The following SLC25A17 variants were observed in gnomAD, a reference collection of about 807,000 sequenced individuals.
SLC25A17 encodes solute carrier family 25 member 17.
Under a neutral mutation model 38.5 loss-of-function variants are expected in SLC25A17, and 26 were observed. The observed-to-expected ratio is 0.68, with a 90% CI of 0.50 to 0.94. The LOEUF is 0.94. SLC25A17 is among the 40% of genes least tolerant of loss of function. SLC25A17 has a pLI of 0.00. For synonymous variants in SLC25A17, 139 were observed against 136.2 expected (o/e 1.02, Z -0.14); for missense variants, 333 against 372.7 (o/e 0.89, Z 0.88).
chr22:40,776,723 C>A (rs961796149), intron 7 of SLC25A17, among the ~76,000 whole-genome samples: 1 of 151,888 alleles, frequency 6.6e-6, no homozygotes, highest in Non-Finnish European at 1.5e-5. Context: ...ATGGTGAGAC[C>A]CCATCTTCAC....
intron 4 of SLC25A17, among the ~76,000 whole-genome samples, chr22:40,783,124 A>G (rs1001399937): frequency 3.3e-5 from 5 of 152,228 alleles, no homozygotes; most frequent in African/African-American, 2.4e-5. Flanking sequence ...TAAAACTCAC[A>G]AAAGTAATTT....
rs905006682 is a variant in SLC25A17, at chr22:40,789,304, C to T, written c.334+3221G>A. ...CGGTCCCTGCGTCCTACAGAGACAC[C>T]GTCCACGCGGTGCCCGGACCCCGGA... On this transcript the variant is annotated intron_variant, in intron 4 of 8. Transcript: ENST00000435456. The surrounding 1 kb of genome is among the most constrained non-coding windows in gnomAD (Gnocchi z 4.5). The T allele has an allele frequency of 6.4e-6, 1 of 155,732 alleles. No homozygotes were observed. The highest frequency in any genetic ancestry group is 1.4e-5 in the Non-Finnish European group (1 of 70,054). The allele number at this position is 155,732 out of a possible 1,614,324, so 9.6% of individuals were successfully genotyped here.
chr22:40,791,005 T>C (rs1374820657), intron 4 of SLC25A17, among the ~76,000 whole-genome samples: 4 of 152,212 alleles, frequency 2.6e-5, no homozygotes, highest in Non-Finnish European at 4.4e-5. Context: ...TGATACTCTT[T>C]GAAAACTACT....
chr22:40,798,943 CAA>C (rs113368977), intron 2 of SLC25A17, 78 bp downstream of exon 2: 14,723 of 755,018 alleles, frequency 0.02, no homozygotes, highest in South Asian at 0.028. Context: ...AACTCCGTCT[CAA>C]AAAAAAAAAA....
chr22:40,796,615 C>CAAAAAA (rs766239207), intron 2 of SLC25A17, among the ~76,000 whole-genome samples: 1 of 96,470 alleles, frequency 1.0e-5, no homozygotes, highest in African/African-American at 3.6e-5. Context: ...GACTCTGTCT[C>CAAAAAA]AAAAAAAAAA....
At chr22:40,791,003 T>C (rs1602604936) in intron 4 of SLC25A17, among the ~76,000 whole-genome samples, 1 of 152,330 alleles carries the variant, frequency 6.6e-6, no homozygotes, top group East Asian at 1.9e-4. Context: ...CGTGATACTC[T>C]TTGAAAACTA....
At chr22:40,812,976 T>A (rs1330771304) in intron 1 of SLC25A17, among the ~76,000 whole-genome samples, 4 of 152,188 alleles carry the variant, frequency 2.6e-5, no homozygotes, top group Non-Finnish European at 5.9e-5. Context: ...GCTTTCATAT[T>A]TAAAAATGTT....
At chr22:40,796,273 T>G (rs2057428509) in intron 2 of SLC25A17, among the ~76,000 whole-genome samples, 1 of 152,198 alleles carries the variant, frequency 6.6e-6, no homozygotes, top group African/African-American at 2.4e-5. Flanking sequence ...ATATGCAAAT[T>G]AACCAATTTC....
At chr22:40,797,664 T>C (rs1378607302) in intron 2 of SLC25A17, among the ~76,000 whole-genome samples, 1 of 152,162 alleles carries the variant, frequency 6.6e-6, no homozygotes, top group Non-Finnish European at 1.5e-5. Context: ...TGATATCTTC[T>C]AGAAAGAAAA....
At chr22:40,814,822 GGTT>G (rs1476315453) in intron 1 of SLC25A17, among the ~76,000 whole-genome samples, 2 of 141,496 alleles carry the variant, frequency 1.4e-5, no homozygotes, top group African/African-American at 5.2e-5. Context: ...GTTTTGTTTT[GGTT>G]TTTTTTGTTT....
At chr22:40,806,667 C>T (rs1328888344) in intron 1 of SLC25A17, among the ~76,000 whole-genome samples, 4 of 152,004 alleles carry the variant, frequency 2.6e-5, no homozygotes, top group Admixed American at 6.6e-5. Flanking sequence ...TCAACCAGTA[C>T]CAAAGTTCCA....
intron 1 of SLC25A17, among the ~76,000 whole-genome samples, chr22:40,808,245 A>G (rs1435356283): frequency 6.6e-6 from 1 of 152,212 alleles, no homozygotes; most frequent in Non-Finnish European, 1.5e-5. Context: ...ACAACACTCT[A>G]TCTTCCCACC....
intron 1 of SLC25A17, among the ~76,000 whole-genome samples, chr22:40,800,407 AATT>A (rs2057470561): frequency 1.3e-5 from 2 of 152,156 alleles, no homozygotes; most frequent in Non-Finnish European, 2.9e-5. Flanking sequence ...TTAATTAGTT[AATT>A]ATTTTAGAGA....
At chr22:40,772,805 T>C (rs2057198733) in intron 8 of SLC25A17, among the ~76,000 whole-genome samples, 1 of 152,080 alleles carries the variant, frequency 6.6e-6, no homozygotes, top group Non-Finnish European at 1.5e-5. Context: ...TTGGCTAATT[T>C]TGTAAATATT....
In SLC25A17 at chr22:40,775,436, G is replaced by GTTTTTTT. The variant is rs71200615; in HGVS notation, c.694-1424_694-1418dup. Among the ~76,000 whole-genome samples the GTTTTTTT allele has an allele frequency of 6.4e-4, 56 of 86,840 alleles. 8 individuals carry two copies. The highest frequency in any genetic ancestry group is 1.4e-3 in the East Asian group (5 of 3,634). The allele number at this position is 86,840 out of a possible 152,430, so 57.0% of individuals were successfully genotyped here. On this transcript the variant is annotated intron_variant, in intron 7 of 8. Coordinates refer to ENST00000435456, the MANE Select transcript of SLC25A17 (RefSeq NM_006358.4). Reference sequence around the variant, plus strand: ...TGAATAAGTCTCATGAGATCTGATGGTTTTTTTTTTTTTTTTTTTTTTTTT... The same window carrying GTTTTTTT: ...TGAATAAGTCTCATGAGATCTGATGGTTTTTTTTTTTTTTTTTTTTTTTTTTTTTTTT...
chr22:40,790,779 T>C (rs1215379106), intron 4 of SLC25A17, among the ~76,000 whole-genome samples: 1 of 152,214 alleles, frequency 6.6e-6, no homozygotes, highest in Non-Finnish European at 1.5e-5. Flanking sequence ...TATGAGTTAG[T>C]CCCTGTAAGT....
intron 5 of SLC25A17, among the ~76,000 whole-genome samples, chr22:40,778,395 A>G (rs1046966967): frequency 6.6e-6 from 1 of 152,156 alleles, no homozygotes; most frequent in African/African-American, 2.4e-5. Context: ...ACCTTTTGCC[A>G]TCACAATGAG....
At chr22:40,771,076 GT>G (rs2057178380) in intron 8 of SLC25A17, 95 bp from the exon 9 acceptor site, 13 of 1,089,924 alleles carry the variant, frequency 1.2e-5, no homozygotes, top group Non-Finnish European at 1.6e-5. Flanking sequence ...AGCAATAGAG[GT>G]TTTAGATTTC....
At chr22:40,808,081 C>A (rs200493710) in intron 1 of SLC25A17, among the ~76,000 whole-genome samples, 2 of 151,632 alleles carry the variant, frequency 1.3e-5, no homozygotes, top group Non-Finnish European at 1.5e-5. Flanking sequence ...TACTGTTGTG[C>A]GAGAGGCATA....
Sources: gnomAD v4.1 joint callset for allele counts (sites outside exome capture counted in the v4.1 genomes callset) on GRCh38, gnomAD v4.1.1 for gene constraint, Gnocchi (gnomAD v3.1) non-coding constraint, MANE v1.5 for transcripts, NCBI Gene and HGNC (gene_info 2026-07-23, HGNC 2026-07-21) for gene names.